DZIP3: variants seen among roughly 807,000 people sequenced by gnomAD.
DZIP3 encodes DAZ interacting zinc finger protein 3, also known as E3 ubiquitin-protein ligase DZIP3.
In DZIP3, 118 loss-of-function variants were observed where a neutral mutation model predicts 162.0. The observed-to-expected ratio is 0.73, with a 90% CI of 0.63 to 0.85. The LOEUF (loss-of-function observed/expected upper bound fraction) is 0.85. DZIP3 is among the 40% of genes least tolerant of loss of function. The pLI is 0.00. For synonymous variants in DZIP3, 438 were observed against 458.6 expected, an observed-to-expected ratio of 0.96 and a Z score of 0.57; for missense variants, 1,331 against 1,407.0, an observed-to-expected ratio of 0.95 and a Z score of 0.86.
At chr3:108,603,383 T>C (rs980264100) in intron 1 of DZIP3, 5 of 152,222 alleles carry the variant, frequency 3.3e-5, no homozygotes, top group African/African-American at 1.2e-4. Context: ...GCAGATCTGA[T>C]CTAGTGTGAA....
At chr3:108,690,360 T>C (rs1477991583) in intron 31 of DZIP3, among the ~76,000 whole-genome samples, 1 of 152,214 alleles carries the variant, frequency 6.6e-6, no homozygotes, top group East Asian at 1.9e-4. Context: ...AGAAGTGTAT[T>C]CATGATCTAG....
Position 108,674,092 on chromosome 3 carries a change from G to T in DZIP3, c.2604G>T (p.Gln868His), listed in dbSNP as rs758681364. ...AAAACCTGTAGGTGTATTTCTTACA[G>T]TGTCGTAGGGATTTTGGTTTGCTTC... ...RALTAEVYFL[Q>H]CRRDFGLLHL... Residue 868 changes from glutamine (Q) to histidine (H), a missense_variant, in exon 24 of 33, where the codon CAG becomes CAT. Gln to His is a conservative substitution (Grantham distance 24, BLOSUM62 0). Coordinates refer to ENST00000361582, the MANE Select transcript of DZIP3 (RefSeq NM_014648.4). The T allele has an allele frequency of 1.2e-6, 2 of 1,611,596 alleles. No individual in the cohort carries two copies. The highest frequency in any genetic ancestry group is 1.7e-6 in the Non-Finnish European group (2 of 1,178,590).
Position 108,616,018 on chromosome 3 carries a change from A to G in DZIP3, c.259-523A>G, listed in dbSNP as rs1940983702. 2.0e-5 allele frequency among the ~76,000 whole-genome samples: 3 copies of G among 152,134 alleles called. No homozygotes were observed. The South Asian group carries it at 6.2e-4, about 31-fold the overall frequency. On this transcript the variant is annotated intron_variant, in intron 4 of 32. Coordinates refer to ENST00000361582, the MANE Select transcript of DZIP3 (RefSeq NM_014648.4). ...AGTGGCTCACGCCTGTAATCCCAGC[A>G]CTTTAGGAGGCCAAGGCAGGCGGAT...
chr3:108,670,786 G>T (rs1235267466), intron 22 of DZIP3, among the ~76,000 whole-genome samples: 1 of 151,810 alleles, frequency 6.6e-6, no homozygotes, highest in South Asian at 2.1e-4. Flanking sequence ...ATCAACATTT[G>T]TTACACTTGT....
At chr3:108,662,805 A>G (rs1202949710) in intron 21 of DZIP3, among the ~76,000 whole-genome samples, 1 of 152,240 alleles carries the variant, frequency 6.6e-6, no homozygotes, top group East Asian at 1.9e-4. Context: ...GGGAAAAATT[A>G]GTAACCTGCT....
intron 22 of DZIP3, among the ~76,000 whole-genome samples, chr3:108,671,655 A>G (rs368938914): frequency 6.6e-6 from 1 of 152,004 alleles, no homozygotes; most frequent in African/African-American, 2.4e-5. Flanking sequence ...TGACGGGGAT[A>G]ATAAAAACCT....
intron 1 of DZIP3, among the ~76,000 whole-genome samples, chr3:108,594,920 T>C (rs575017963): frequency 4.6e-5 from 7 of 152,198 alleles, no homozygotes; most frequent in Non-Finnish European, 1.0e-4. Flanking sequence ...AAAAAGACAG[T>C]AGCTAAAGTA....
intron 26 of DZIP3, among the ~76,000 whole-genome samples, chr3:108,679,463 T>G (rs1944225896): frequency 6.6e-6 from 1 of 152,104 alleles, no homozygotes; most frequent in Non-Finnish European, 1.5e-5. Flanking sequence ...TTGCTAACAT[T>G]CTGAGGGGTT....
chr3:108,621,280 A>G (rs541647853), intron 5 of DZIP3, among the ~76,000 whole-genome samples: 1 of 152,108 alleles, frequency 6.6e-6, no homozygotes, highest in Non-Finnish European at 1.5e-5. Flanking sequence ...CTTCTTTTTT[A>G]CCAGTTTTTA....
chr3:108,647,896 G>A (rs1320994114), intron 15 of DZIP3, 47 bp from the exon 16 acceptor site: 2 of 1,423,834 alleles, frequency 1.4e-6, no homozygotes, highest in East Asian at 2.6e-5. Context: ...ATAAGAAGCT[G>A]AAATTGCTTT....
rs1194865448 is a variant in DZIP3, at chr3:108,677,485, T to G, written c.2782-12T>G. Reference sequence around the variant, plus strand: ...GTTGTTCTCTAAAGTATTTTTAGTCTTCTTCTACCAGACACAGTACAATGA... The same window carrying G: ...GTTGTTCTCTAAAGTATTTTTAGTCGTCTTCTACCAGACACAGTACAATGA... On this transcript the variant is annotated splice_polypyrimidine_tract_variant and intron_variant, in intron 25 of 32. Coordinates refer to ENST00000361582, the MANE Select transcript of DZIP3 (RefSeq NM_014648.4). The G allele has an allele frequency of 5.6e-6, 9 of 1,610,356 alleles. No individual in the cohort carries two copies. Among genetic ancestry groups the G allele is most frequent in the Non-Finnish European group, 5.9e-6 (7 of 1,177,382 alleles).
intron 8 of DZIP3, among the ~76,000 whole-genome samples, chr3:108,629,441 CT>C (rs1414055943): frequency 6.6e-6 from 1 of 152,056 alleles, no homozygotes; most frequent in African/African-American, 2.4e-5. Context: ...TAGCTGTTAA[CT>C]TTTTTTCCTA....
intron 14 of DZIP3, among the ~76,000 whole-genome samples, chr3:108,646,066 T>C (rs1942608216): frequency 6.6e-6 from 1 of 152,218 alleles, no homozygotes; most frequent in African/African-American, 2.4e-5. Context: ...CCTCAGCTAT[T>C]CTAGTTGCTT....
intron 21 of DZIP3, among the ~76,000 whole-genome samples, chr3:108,668,091 T>C (rs1399291414): frequency 6.6e-6 from 1 of 152,058 alleles, no homozygotes; most frequent in Non-Finnish European, 1.5e-5. Flanking sequence ...AAAGCAAAAA[T>C]GGTGTGGTTT....
chr3:108,640,379 A>G (rs1282437461), intron 12 of DZIP3, among the ~76,000 whole-genome samples: 2 of 144,256 alleles, frequency 1.4e-5, no homozygotes, highest in Non-Finnish European at 3.0e-5. Context: ...TGCTACACAC[A>G]CATCTAGAAT....
At chr3:108,601,717 T>C (rs1230419786) in intron 1 of DZIP3, among the ~76,000 whole-genome samples, 1 of 152,126 alleles carries the variant, frequency 6.6e-6, no homozygotes, top group Non-Finnish European at 1.5e-5. Flanking sequence ...TAGATAGTTG[T>C]TTTTGGATAA....
At chr3:108,632,199 A>G (rs1941920324) in intron 8 of DZIP3, among the ~76,000 whole-genome samples, 1 of 152,158 alleles carries the variant, frequency 6.6e-6, no homozygotes, top group Non-Finnish European at 1.5e-5. Context: ...ATTCACTTGT[A>G]TTTAATCAGC....
chr3:108,654,477 A>G lies in DZIP3; in HGVS notation c.2199+167A>G, dbSNP rs1033052171. The G allele has an allele frequency of 7.3e-6, 5 of 687,392 alleles. No homozygotes were observed. The African/African-American group carries it at 7.3e-5, about 10-fold the overall frequency. 42.6% of individuals were successfully genotyped at this position (687,392 alleles called of 1,614,324 possible). ...AGGGATATATGAAGGAAAATAGAAT[A>G]AGGAAAAAAAAGAACGCCTAGGAGC... On this transcript the variant is annotated intron_variant, in intron 19 of 32. Transcript: ENST00000361582.
chr3:108,589,590 G>T (rs1186686686), upstream of DZIP3: 9 of 437,422 alleles, frequency 2.1e-5, no homozygotes, highest in South Asian at 2.1e-4. Flanking sequence ...GGTCCAGGAC[G>T]GGGGTTGGGA....
Sources: allele counts gnomAD v4.1 joint callset (sites outside exome capture counted in the v4.1 genomes callset), GRCh38; gene constraint gnomAD v4.1.1; transcripts MANE v1.5; gene names NCBI Gene and HGNC (gene_info 2026-07-23, HGNC 2026-07-21).